DOCK3: variants seen among roughly 807,000 people sequenced by gnomAD.
DOCK3 encodes the protein dedicator of cytokinesis 3.
Under a neutral mutation model 265.6 loss-of-function variants are expected in DOCK3, and 60 were observed. That is an observed-to-expected ratio of 0.23 (90% CI 0.18 to 0.28). The LOEUF (loss-of-function observed/expected upper bound fraction) is 0.28, where lower values mean the gene tolerates loss of function less well. DOCK3 is among the 10% of genes least tolerant of loss of function. DOCK3 has a pLI of 1.00. For synonymous variants in DOCK3, 881 were observed against 938.0 expected (o/e 0.94, Z 1.11); for missense variants, 1,981 against 2,594.3 (o/e 0.76, Z 5.14).
intron 2 of DOCK3, chr3:50,788,345 G>T: frequency 3.9e-6 from 1 of 256,676 alleles, no homozygotes; most frequent in Non-Finnish European, 7.4e-6. Flanking sequence ...TTTAAAACAA[G>T]GTAATTATTA....
intron 10 of DOCK3, among the ~76,000 whole-genome samples, chr3:51,147,729 C>T (rs897462474): frequency 1.3e-5 from 2 of 152,148 alleles, no homozygotes; most frequent in African/African-American, 2.4e-5. Context: ...TTTTCTTAAT[C>T]CAGTCTGTAA....
chr3:51,209,712 G>A (rs1238888923), intron 13 of DOCK3, among the ~76,000 whole-genome samples: 1 of 152,202 alleles, frequency 6.6e-6, no homozygotes, highest in Non-Finnish European at 1.5e-5. Context: ...TTTCTAAAGA[G>A]TAGTACATGT....
At chr3:51,285,468 GA>G (rs1451108382) in intron 27 of DOCK3, among the ~76,000 whole-genome samples, 1 of 151,616 alleles carries the variant, frequency 6.6e-6, no homozygotes, top group Non-Finnish European at 1.5e-5. Context: ...CAAAGAAACA[GA>G]AAGTATACAT....
chr3:51,063,273 G>A (rs915694616), intron 5 of DOCK3, among the ~76,000 whole-genome samples: 1 of 152,054 alleles, frequency 6.6e-6, no homozygotes, highest in Non-Finnish European at 1.5e-5. Context: ...CTGAGTTGAG[G>A]GGATTGCTCA....
intron 1 of DOCK3, among the ~76,000 whole-genome samples, chr3:50,726,522 A>T (rs1299261791): frequency 6.6e-6 from 1 of 152,196 alleles, no homozygotes; most frequent in African/African-American, 2.4e-5. Flanking sequence ...AGTAAAGGCT[A>T]AGGCTGAGTT....
rs782502497 is a variant in DOCK3 at position 51,381,248 on chromosome 3, C to T, written c.5782C>T (p.Leu1928Phe). The stretch of plus-strand genomic sequence containing the variant: ...TCAGGCCTGGAATGCTGACGAAGAT[C>T]TTGAGCCACCCTACCTCCCTGTCCA... ...PSQAWNADED[L>F]EPPYLPVHYS... Residue 1928 changes from leucine (L) to phenylalanine (F), a missense_variant, in exon 53 of 53, where the codon CTT (leucine) becomes TTT (phenylalanine). Leu to Phe is a conservative substitution (Grantham distance 22). Transcript: ENST00000266037. This position sits in a 1 kb window ranked among gnomAD's most constrained non-coding sequence, Gnocchi z 5.6. 42 of 1,613,774 alleles carry T rather than the reference C, an allele frequency of 2.6e-5. No homozygotes were observed. The Middle Eastern group carries it at 4.9e-4, about 19-fold the overall frequency.
chr3:51,380,964 A>C, intron 52 of DOCK3, 86 bp from the exon 53 acceptor site: 1 of 1,475,392 alleles, frequency 6.8e-7, no homozygotes, highest in Non-Finnish European at 9.0e-7. Flanking sequence ...AAGTTCATTC[A>C]TAAGCAGGCT....
intron 5 of DOCK3, among the ~76,000 whole-genome samples, chr3:51,004,779 G>A (rs2078619421): frequency 7.3e-6 from 1 of 137,474 alleles, no homozygotes; most frequent in Non-Finnish European, 1.5e-5. Context: ...GACTGTAAAT[G>A]TAGAACAGTG....
chr3:51,198,581 A>AT (rs915774887), intron 12 of DOCK3, among the ~76,000 whole-genome samples: 1 of 131,028 alleles, frequency 7.6e-6, no homozygotes, highest in African/African-American at 2.9e-5. Flanking sequence ...CAGGTCACCA[A>AT]AAAAAAAAAA....
chr3:51,338,862 T>C, intron 36 of DOCK3, 73 bp from the exon 37 acceptor site: 1 of 1,326,468 alleles, frequency 7.5e-7, no homozygotes, highest in Non-Finnish European at 1.1e-6. Flanking sequence ...CACCCACGGC[T>C]ATGGCCAGCT....
intron 22 of DOCK3, among the ~76,000 whole-genome samples, chr3:51,258,572 C>T (rs554082902): frequency 5.1e-4 from 77 of 152,056 alleles, no homozygotes; most frequent in Admixed American, 4.5e-3. Context: ...GGCGTGATCT[C>T]GGCTCACTGC....
chr3:50,887,983 C>T (rs888830905), intron 3 of DOCK3, among the ~76,000 whole-genome samples: 3 of 152,126 alleles, frequency 2.0e-5, no homozygotes, highest in African/African-American at 7.2e-5. Flanking sequence ...CACTCCTGTT[C>T]AACATAGTGT....
rs1014917204 is a variant in DOCK3, at chr3:50,709,371, C to T, written c.37+34071C>T. ...ATACTTTTACTTCTTTCTTTCCAATCTGGCTGCCTTTTTATTTCTTTTTCT... is the reference window on the plus strand; with the variant it reads ...ATACTTTTACTTCTTTCTTTCCAATTTGGCTGCCTTTTTATTTCTTTTTCT... On this transcript the variant is annotated intron_variant, in intron 1 of 52. Coordinates refer to ENST00000266037, the MANE Select transcript of DOCK3 (RefSeq NM_004947.5). Among the ~76,000 whole-genome samples, 13 of 152,270 alleles carry T rather than the reference C, an allele frequency of 8.5e-5. No homozygotes were observed. The South Asian group carries it at 2.3e-3, about 27-fold the overall frequency.
chr3:51,176,773 C>G (rs2086981744), intron 12 of DOCK3, among the ~76,000 whole-genome samples: 1 of 152,114 alleles, frequency 6.6e-6, no homozygotes, highest in African/African-American at 2.4e-5. Context: ...CCCCTATGAA[C>G]TAGTGAATCA....
chr3:50,966,917 G>A (rs1045868924), intron 5 of DOCK3, among the ~76,000 whole-genome samples: 53 of 151,816 alleles, frequency 3.5e-4, no homozygotes, highest in African/African-American at 1.2e-3. Flanking sequence ...ACCTTGTAGG[G>A]GAATGAGGCA....
At chr3:50,961,096 T>C (rs1302140631) in intron 5 of DOCK3, among the ~76,000 whole-genome samples, 2 of 152,188 alleles carry the variant, frequency 1.3e-5, no homozygotes, top group African/African-American at 4.8e-5. Flanking sequence ...TAGGTAAATA[T>C]AGTAAGTGTA....
At chr3:50,913,577 C>T (rs763835804) in intron 4 of DOCK3, among the ~76,000 whole-genome samples, 16 of 152,046 alleles carry the variant, frequency 1.1e-4, no homozygotes, top group Non-Finnish European at 1.9e-4. Context: ...TTTAGGACCC[C>T]AGAGCATGTT....
intron 14 of DOCK3, among the ~76,000 whole-genome samples, chr3:51,217,474 T>TC (rs1226169798): frequency 6.6e-6 from 1 of 152,178 alleles, no homozygotes; most frequent in East Asian, 1.9e-4. Context: ...GGAAGTACCA[T>TC]CTTAGATTAT....
intron 10 of DOCK3, among the ~76,000 whole-genome samples, chr3:51,150,152 G>C (rs1205748695): frequency 1.3e-5 from 2 of 152,082 alleles, no homozygotes; most frequent in African/African-American, 2.4e-5. Context: ...ATTCTCTGAT[G>C]GTAGTTTGTA....
Sources: allele counts gnomAD v4.1 joint callset (sites outside exome capture counted in the v4.1 genomes callset), GRCh38; gene constraint gnomAD v4.1.1; non-coding constraint Gnocchi (gnomAD v3.1); transcripts MANE v1.5; gene names NCBI Gene and HGNC (gene_info 2026-07-23, HGNC 2026-07-21).